The following TECPR1 variants were observed in gnomAD, a reference collection of about 807,000 sequenced individuals.
TECPR1 encodes tectonin beta-propeller repeat-containing protein 1.
In TECPR1, 122 loss-of-function variants were observed where a neutral mutation model predicts 162.4. That is an observed-to-expected ratio of 0.75 (90% CI 0.65 to 0.87). The LOEUF (loss-of-function observed/expected upper bound fraction) is 0.87. Among genes scored for constraint, TECPR1 ranks in the 40% least tolerant of loss-of-function variants. TECPR1 has a pLI of 0.00. For missense variants in TECPR1, 1,432 were observed against 1,618.2 expected, an observed-to-expected ratio of 0.88 and a Z score of 1.97; for synonymous variants, 642 against 670.6, an observed-to-expected ratio of 0.96 and a Z score of 0.66.
At chr7:98,239,257 T>C (rs1226406649) in intron 8 of TECPR1, among the ~76,000 whole-genome samples, 1 of 152,210 alleles carries the variant, frequency 6.6e-6, no homozygotes, top group East Asian at 1.9e-4. Flanking sequence ...GCTATTAGAA[T>C]GCCTGAGATG....
intron 6 of TECPR1, among the ~76,000 whole-genome samples, chr7:98,242,321 C>T (rs886759370): frequency 1.1e-4 from 17 of 152,116 alleles, no homozygotes; most frequent in Non-Finnish European, 4.4e-5. Context: ...GCCTCTGCTG[C>T]CCTCAGGGGC....
chr7:98,239,218 G>A (rs773301453), intron 8 of TECPR1, among the ~76,000 whole-genome samples: 12 of 152,306 alleles, frequency 7.9e-5, no homozygotes, highest in East Asian at 7.7e-4. Flanking sequence ...GGGAGGCCCC[G>A]TTAGTCTCAG....
intron 23 of TECPR1, among the ~76,000 whole-genome samples, chr7:98,219,784 C>T (rs1798098678): frequency 6.6e-6 from 1 of 151,618 alleles, no homozygotes; most frequent in Non-Finnish European, 1.5e-5. Flanking sequence ...GGCTGTAATC[C>T]CAGCTACTCG....
chr7:98,222,027 T>C (rs1798155205), intron 22 of TECPR1, among the ~76,000 whole-genome samples: 1 of 152,234 alleles, frequency 6.6e-6, no homozygotes, highest in Non-Finnish European at 1.5e-5. Flanking sequence ...GCTGCCCTGC[T>C]AACCCATCCC....
At chr7:98,231,462 C>T in intron 13 of TECPR1, 89 bp from the exon 14 acceptor site, 3 of 1,419,818 alleles carry the variant, frequency 2.1e-6, no homozygotes, top group Non-Finnish European at 2.8e-6. Flanking sequence ...CCCTGGGACC[C>T]TGGCCCTCGG....
At position 98,225,068 on chromosome 7, in the gene TECPR1, C is replaced by G. The variant is rs565244562; in HGVS notation, c.2548G>C (p.Ala850Pro). 4.1e-5 allele frequency: 64 copies of G among 1,568,488 alleles called. No homozygotes were observed. The highest frequency in any genetic ancestry group is 5.2e-5 in the Non-Finnish European group (60 of 1,159,024). The change falls in exon 18 of 26, where the codon GCC (alanine) becomes CCC (proline). Residue 850 changes from alanine (A) to proline (P), a missense_variant. Transcript: ENST00000447648. ...LPTDRYMWSD[A>P]SGLQECTKAG... ...TTCGTGCACTCCTGCAGCCCCGAGG[C>G]ATCGCTCCACATGTACCGGTCCGTG...
Position 98,241,339 on chromosome 7 carries a change from C to T in TECPR1, c.658-95G>A, listed in dbSNP as rs957906683. 2.0e-6 allele frequency: 3 copies of T among 1,470,142 alleles called. No homozygotes were observed. The African/African-American group carries it at 4.2e-5, about 21-fold the overall frequency. The allele number at this position is 1,470,142 out of a possible 1,614,324, so 91.1% of individuals were successfully genotyped here. On this transcript the variant is annotated intron_variant, in intron 6 of 25. Coordinates refer to ENST00000447648, the MANE Select transcript of TECPR1 (RefSeq NM_015395.3). The surrounding 1 kb of genome is among the most constrained non-coding windows in gnomAD (Gnocchi z 5.0). ...TGTGGTAGGGGGTAGGACCCATGTC[C>T]CCTGACCGTCCAGATCTCACTCCCT...
rs1798183635 is a variant in TECPR1 at position 98,223,065 on chromosome 7, G to A, written c.2853C>T (p.His951=). 1.9e-6 allele frequency: 3 copies of A among 1,606,896 alleles called. No homozygotes were observed. Among genetic ancestry groups the A allele is most frequent in the Non-Finnish European group, 2.5e-6 (3 of 1,177,384 alleles). ...PESPGAEGSG[H]SIALWAVSDK... ...CGCTGACGGCCCAGAGGGCGATGCT[G>A]TGCCCACTCCCCTCGGCACCCGGGC... Residue 951 remains histidine (H), a synonymous_variant, in exon 21 of 26, where the codon CAC becomes CAT. Coordinates refer to ENST00000447648, the MANE Select transcript of TECPR1 (RefSeq NM_015395.3).
chr7:98,221,232 G>C (rs2116532540), intron 23 of TECPR1, among the ~76,000 whole-genome samples: 1 of 152,256 alleles, frequency 6.6e-6, no homozygotes, highest in Middle Eastern at 3.4e-3. Context: ...AACTCAGTAG[G>C]TGGAGGTTGC....
At position 98,241,314 on chromosome 7, in the gene TECPR1, T is replaced by G; in HGVS notation, c.658-70A>C. ...CACCAGCCAAGCACGGGGGTCTCGG[T>G]GTGGTAGGGGGTAGGACCCATGTCC... On this transcript the variant is annotated intron_variant, in intron 6 of 25. Coordinates refer to ENST00000447648, the MANE Select transcript of TECPR1 (RefSeq NM_015395.3). The surrounding 1 kb of genome is among the most constrained non-coding windows in gnomAD (Gnocchi z 5.0). The G allele has an allele frequency of 1.9e-6, 3 of 1,581,104 alleles. No homozygotes were observed. The highest frequency in any genetic ancestry group is 2.6e-6 in the Non-Finnish European group (3 of 1,157,962).
intron 15 of TECPR1, among the ~76,000 whole-genome samples, chr7:98,229,959 C>A (rs1322024098): frequency 4.2e-5 from 2 of 48,030 alleles, no homozygotes; most frequent in Non-Finnish European, 8.2e-5. Context: ...AGCTCAGATC[C>A]CCCCCCCAGG....
Position 98,240,953 on chromosome 7 carries a change from TA to T in TECPR1, c.833-3del. 6.2e-7 allele frequency: 1 copy of T among 1,603,182 alleles called. No individual in the cohort carries two copies. The highest frequency in any genetic ancestry group is 1.7e-5 in the Admixed American group (1 of 58,484). On this transcript the variant is annotated splice_polypyrimidine_tract_variant and splice_region_variant and intron_variant, in intron 7 of 25. Coordinates refer to ENST00000447648, the MANE Select transcript of TECPR1 (RefSeq NM_015395.3). The stretch of plus-strand genomic sequence containing the variant: ...GCTCCACGATGGACCAGGAACTTCC[TA>T]CCGGGCCCCCAAGAAACCCCCAGTG...
intron 9 of TECPR1, 75 bp downstream of exon 9, chr7:98,238,434 T>A: frequency 4.0e-6 from 5 of 1,236,090 alleles, no homozygotes; most frequent in Non-Finnish European, 5.8e-6. Context: ...AAGCGGCCAC[T>A]AGGCTATTGG....
Position 98,215,639 on chromosome 7 carries a change from C to A in TECPR1, c.*1751G>T, listed in dbSNP as rs558756367. 1.2e-4 allele frequency: 18 copies of A among 152,388 alleles called. No homozygotes were observed. Among genetic ancestry groups the A allele is most frequent in the African/African-American group, 3.8e-4 (16 of 41,580 alleles). 9.4% of individuals were successfully genotyped at this position (152,388 alleles called of 1,614,324 possible). A position where few individuals can be genotyped will look rare whatever the true frequency, so the allele number is the denominator to read the frequency against. On this transcript the variant is annotated 3_prime_UTR_variant, in exon 26 of 26. Transcript: ENST00000447648. ...TCTGCAGGGTGACGCCCTCCCCGTA[C>A]CTCGCTGAGAGCCACCTGCAGACAC...
At chr7:98,225,910 T>C (rs1338577780) in intron 17 of TECPR1, among the ~76,000 whole-genome samples, 1 of 152,180 alleles carries the variant, frequency 6.6e-6, no homozygotes, top group African/African-American at 2.4e-5. Flanking sequence ...CAGGCGTGAA[T>C]CCCCACACGT....
chr7:98,221,780 C>T lies in TECPR1; in HGVS notation c.3065-27G>A, dbSNP rs191550865. 87 of 1,597,750 alleles carry T rather than the reference C, an allele frequency of 5.4e-5. No individual in the cohort carries two copies. In the African/African-American group the frequency reaches 6.7e-4, roughly 12 times the overall value. ...TGCGAAGGGGAGGCTGACTCAGGCA[C>T]GCTGCCTTCTCCTCCTTGCATGGGC... is the stretch of plus-strand genomic sequence containing the variant. On this transcript the variant is annotated intron_variant, in intron 22 of 25. Transcript: ENST00000447648.
chr7:98,245,065 G>C lies in TECPR1; in HGVS notation c.228C>G (p.Arg76=). The C allele has an allele frequency of 6.3e-7, 1 of 1,579,204 alleles. No individual in the cohort carries two copies. The highest frequency in any genetic ancestry group is 8.6e-7 in the Non-Finnish European group (1 of 1,163,554). Residue 76 remains arginine (R), a splice_region_variant and synonymous_variant, in exon 4 of 26, where the codon CGC becomes CGG. Coordinates refer to ENST00000447648, the MANE Select transcript of TECPR1 (RefSeq NM_015395.3). Reference sequence around the variant, plus strand: ...CACAGAAGCCGCCCATGGGATTCCAGCGCTGAGGGCCGGGGACACAGAGGC... The same window carrying C: ...CACAGAAGCCGCCCATGGGATTCCACCGCTGAGGGCCGGGGACACAGAGGC... ...RRREEAYENQ[R]WNPMGGFCEK...
At chr7:98,224,490 TCTGACC>T (rs529225903) in intron 19 of TECPR1, among the ~76,000 whole-genome samples, 777 of 152,308 alleles carry the variant, frequency 5.1e-3, no homozygotes, top group Non-Finnish European at 7.7e-3. Context: ...GGTGCCACCA[TCTGACC>T]CTCCCAGAGC....
Position 98,217,815 on chromosome 7 carries a change from G to T in TECPR1, c.3265-4C>A. 4 of 1,549,796 alleles carry T rather than the reference G, an allele frequency of 2.6e-6. No individual in the cohort carries two copies. The highest frequency in any genetic ancestry group is 3.5e-6 in the Non-Finnish European group (4 of 1,146,240). ...CTTTGTTGGCGATCACCCAGACCTG[G>T]AGCACAGACCCCATGAAGCCCTCAG... On this transcript the variant is annotated splice_polypyrimidine_tract_variant and splice_region_variant and intron_variant, in intron 24 of 25. Transcript: ENST00000447648.
Sources: gnomAD v4.1 joint callset for allele counts (sites outside exome capture counted in the v4.1 genomes callset) on GRCh38, gnomAD v4.1.1 for gene constraint, Gnocchi (gnomAD v3.1) non-coding constraint, MANE v1.5 for transcripts, NCBI Gene and HGNC (gene_info 2026-07-23, HGNC 2026-07-21) for gene names.